Variants in LCORL observed in about 807,000 individuals in gnomAD.
LCORL encodes ligand dependent nuclear receptor corepressor like, also known as ligand-dependent nuclear receptor corepressor-like protein.
LCORL carries 41 observed loss-of-function variants against 141.8 expected under a neutral mutation model. The observed-to-expected ratio is 0.29, with a 90% CI of 0.23 to 0.38. The LOEUF (loss-of-function observed/expected upper bound fraction) is 0.38, where lower values mean the gene tolerates loss of function less well. LCORL is among the 10% of genes least tolerant of loss of function. The probability of loss-of-function intolerance (pLI) is 1.00; values close to 1 mark genes in which losing one functional copy is unlikely to be tolerated. For synonymous variants in LCORL, 618 were observed against 694.1 expected, an observed-to-expected ratio of 0.89 and a Z score of 1.72; for missense variants, 1,759 against 2,035.0, an observed-to-expected ratio of 0.86 and a Z score of 2.61.
intron 6 of LCORL, chr4:17,881,062 T>G: frequency 3.1e-6 from 3 of 980,730 alleles, no homozygotes; most frequent in Non-Finnish European, 3.6e-6. Context: ...AGTATACAAT[T>G]TAATATAAAA....
At chr4:17,955,576 A>C (rs534736984) in intron 4 of LCORL, among the ~76,000 whole-genome samples, 4 of 152,254 alleles carry the variant, frequency 2.6e-5, no homozygotes, top group African/African-American at 4.8e-5. Context: ...TGATTGTTCT[A>C]TAAAAAGGAA....
chr4:17,845,921 G>T lies in LCORL; in HGVS notation c.5603-20C>A. The T allele has an allele frequency of 2.5e-6, 4 of 1,569,996 alleles. No individual in the cohort carries two copies. The highest frequency in any genetic ancestry group is 3.5e-6 in the Non-Finnish European group (4 of 1,157,008). On this transcript the variant is annotated intron_variant, in intron 7 of 7. Coordinates refer to ENST00000635767, the Ensembl canonical transcript of LCORL. ...AGCATGCTGGAAGAAAAAGTGTAAG[G>T]CATTTTAGTTTTACTTTAATTTCAA...
intron 4 of LCORL, among the ~76,000 whole-genome samples, chr4:17,932,232 T>A (rs907626040): frequency 6.6e-6 from 1 of 152,198 alleles, no homozygotes; most frequent in African/African-American, 2.4e-5. Flanking sequence ...GACATCTGTT[T>A]AACAGGGGAG....
At chr4:17,866,598 A>G (rs1725689200) in intron 7 of LCORL, among the ~76,000 whole-genome samples, 1 of 152,158 alleles carries the variant, frequency 6.6e-6, no homozygotes, top group South Asian at 2.1e-4. Context: ...GAACTGGGAG[A>G]AGGAAAAAGA....
intron 1 of LCORL, among the ~76,000 whole-genome samples, chr4:18,015,493 T>C (rs1435956767): frequency 1.3e-5 from 2 of 152,190 alleles, no homozygotes; most frequent in African/African-American, 4.8e-5. Flanking sequence ...ACTTGATACA[T>C]GTCTTAACCA....
chr4:17,905,023 T>C (rs1205025637), intron 5 of LCORL, among the ~76,000 whole-genome samples: 1 of 152,162 alleles, frequency 6.6e-6, no homozygotes, highest in Non-Finnish European at 1.5e-5. Flanking sequence ...TTTATAATAT[T>C]CTCCATAAGA....
chr4:17,901,584 AAC>A (rs1730888246), intron 5 of LCORL, among the ~76,000 whole-genome samples: 1 of 152,146 alleles, frequency 6.6e-6, no homozygotes, highest in Non-Finnish European at 1.5e-5. Flanking sequence ...CAAGAAGGGA[AAC>A]ACAGCACACA....
chr4:17,851,709 CT>C, intron 7 of LCORL, among the ~76,000 whole-genome samples: 1 of 152,126 alleles, frequency 6.6e-6, no homozygotes, highest in Non-Finnish European at 1.5e-5. Flanking sequence ...AGTAGAATAG[CT>C]GGGTCAAAGG....
intron 2 of LCORL, among the ~76,000 whole-genome samples, chr4:17,966,985 C>G (rs140344579): frequency 6.6e-6 from 1 of 152,218 alleles, no homozygotes; most frequent in Non-Finnish European, 1.5e-5. Context: ...TTATAGCAGT[C>G]TTATTCTAAA....
intron 1 of LCORL, among the ~76,000 whole-genome samples, chr4:18,012,346 G>A (rs1489540512): frequency 2.0e-5 from 3 of 152,170 alleles, no homozygotes; most frequent in Admixed American, 2.0e-4. Context: ...GTCTTTGATA[G>A]GCTGATAAGT....
At chr4:17,862,179 C>T (rs1330795122) in intron 7 of LCORL, among the ~76,000 whole-genome samples, 1 of 152,172 alleles carries the variant, frequency 6.6e-6, no homozygotes, top group Non-Finnish European at 1.5e-5. Context: ...ATACCTGAGA[C>T]TGGGCAATTT....
At chr4:17,907,427 A>C (rs911267892) in intron 5 of LCORL, among the ~76,000 whole-genome samples, 3 of 152,148 alleles carry the variant, frequency 2.0e-5, no homozygotes, top group African/African-American at 7.3e-5. Context: ...AAGTAACTTA[A>C]GTAAGTAGCA....
intron 1 of LCORL, among the ~76,000 whole-genome samples, chr4:17,975,848 G>C (rs564600395): frequency 1.3e-5 from 2 of 152,314 alleles, no homozygotes; most frequent in Non-Finnish European, 2.9e-5. Context: ...TGTAGTTACT[G>C]GGAGGAATGT....
At chr4:17,967,487 G>C (rs1011002961) in intron 2 of LCORL, among the ~76,000 whole-genome samples, 6 of 152,062 alleles carry the variant, frequency 3.9e-5, no homozygotes, top group Non-Finnish European at 8.8e-5. Context: ...AGGAAAGAGA[G>C]TACATGGAAA....
chr4:17,853,958 G>A (rs1366104327), intron 7 of LCORL, among the ~76,000 whole-genome samples: 1 of 152,136 alleles, frequency 6.6e-6, no homozygotes, highest in Non-Finnish European at 1.5e-5. Flanking sequence ...GAGTGAGAAA[G>A]TATTCATAAA....
intron 7 of LCORL, among the ~76,000 whole-genome samples, chr4:17,847,351 C>G (rs374061849): frequency 3.3e-5 from 5 of 152,310 alleles, no homozygotes; most frequent in Admixed American, 6.5e-5. Flanking sequence ...AGCGTCCAGA[C>G]TCCAGTAGAT....
At chr4:17,867,925 T>C (rs1416953202) in intron 7 of LCORL, among the ~76,000 whole-genome samples, 2 of 152,154 alleles carry the variant, frequency 1.3e-5, no homozygotes, top group African/African-American at 4.8e-5. Flanking sequence ...CCTAAACTCT[T>C]CTCTTAATTC....
At chr4:17,869,748 C>T (rs1046148509) in intron 7 of LCORL, among the ~76,000 whole-genome samples, 8 of 152,004 alleles carry the variant, frequency 5.3e-5, no homozygotes, top group South Asian at 2.1e-4. Flanking sequence ...GAAACAGATC[C>T]GTATGTTTAG....
chr4:17,999,191 A>AGCCGGGTGCGGTGGCTCAT (rs57487263), intron 1 of LCORL, among the ~76,000 whole-genome samples: 12 of 150,436 alleles, frequency 8.0e-5, no homozygotes, highest in African/African-American at 9.8e-5. Flanking sequence ...AGGATGTCTA[A>AGCCGGGTGCGGTGGCTCAT]GCCTGTAATC....
Sources: allele counts gnomAD v4.1 joint callset (sites outside exome capture counted in the v4.1 genomes callset), GRCh38; gene constraint gnomAD v4.1.1; transcripts MANE v1.5; gene names NCBI Gene and HGNC (gene_info 2026-07-23, HGNC 2026-07-21).